Variants in HMCN1 observed in about 807,000 individuals in gnomAD.
HMCN1 encodes hemicentin-1.
Under a neutral mutation model 625.9 loss-of-function variants are expected in HMCN1, and 321 were observed. That is an observed-to-expected ratio of 0.51 (90% CI 0.47 to 0.56). The LOEUF (loss-of-function observed/expected upper bound fraction) is 0.56, where lower values mean the gene tolerates loss of function less well. HMCN1 is among the 20% of genes least tolerant of loss of function. The pLI is 0.00. For missense variants in HMCN1, 6,588 were observed against 6,887.3 expected, an observed-to-expected ratio of 0.96 and a Z score of 1.54; for synonymous variants, 2,425 against 2,417.6, an observed-to-expected ratio of 1.00 and a Z score of -0.09.
At chr1:185,854,685 G>A (rs1178982948) in intron 2 of HMCN1, among the ~76,000 whole-genome samples, 1 of 152,050 alleles carries the variant, frequency 6.6e-6, no homozygotes, top group African/African-American at 2.4e-5. Context: ...TATCATATAT[G>A]TAGTCATTGC....
intron 11 of HMCN1, among the ~76,000 whole-genome samples, chr1:185,952,304 G>T (rs957664334): frequency 3.3e-5 from 5 of 151,690 alleles, no homozygotes; most frequent in African/African-American, 1.2e-4. Context: ...TAGGGTGGAG[G>T]AGCAGAGGCT....
intron 1 of HMCN1, among the ~76,000 whole-genome samples, chr1:185,801,803 A>G (rs898232137): frequency 3.9e-5 from 6 of 152,192 alleles, no homozygotes; most frequent in African/African-American, 1.2e-4. Context: ...GGAGTTAAGG[A>G]TGGCTGGAGG....
At chr1:186,096,872 G>A (rs2102426991) in intron 68 of HMCN1, among the ~76,000 whole-genome samples, 1 of 152,190 alleles carries the variant, frequency 6.6e-6, no homozygotes, top group South Asian at 2.1e-4. Context: ...CAACAAATTA[G>A]GGATAGAAGA....
intron 1 of HMCN1, among the ~76,000 whole-genome samples, chr1:185,811,250 C>T (rs1247392501): frequency 6.6e-6 from 1 of 152,068 alleles, no homozygotes; most frequent in African/African-American, 2.4e-5. Flanking sequence ...TTCTCTTACA[C>T]AGCCTCCACA....
chr1:186,175,892 G>GAA (rs768255922), intron 103 of HMCN1, among the ~76,000 whole-genome samples: 2 of 135,084 alleles, frequency 1.5e-5, no homozygotes, highest in Non-Finnish European at 3.1e-5. Flanking sequence ...AAAAAAAAAA[G>GAA]AAAGAAAAGA....
intron 2 of HMCN1, among the ~76,000 whole-genome samples, chr1:185,855,555 G>T (rs554980608): frequency 6.6e-6 from 1 of 151,990 alleles, no homozygotes; most frequent in African/African-American, 2.4e-5. Context: ...TTTCTAATTT[G>T]CTAATCAAGA....
At chr1:185,977,637 C>A in intron 15 of HMCN1, 150 bp from the exon 16 acceptor site, 1 of 643,850 alleles carries the variant, frequency 1.6e-6, no homozygotes, top group Non-Finnish European at 2.7e-6. Flanking sequence ...ACTGTTTTTA[C>A]CTAAGAGAGG....
intron 89 of HMCN1, among the ~76,000 whole-genome samples, chr1:186,139,706 T>C (rs1649834918): frequency 6.6e-6 from 1 of 152,078 alleles, no homozygotes. Context: ...AGCCATTCAA[T>C]GAAAGCATGT....
rs1659476351 is a variant in HMCN1 at position 186,086,415 on chromosome 1, ACTT to A, written c.9046+12_9046+14del. 2 of 1,612,648 alleles carry A rather than the reference ACTT, an allele frequency of 1.2e-6. No homozygotes were observed. The highest frequency in any genetic ancestry group is 1.3e-5 in the African/African-American group (1 of 74,952). ...ATACTCTCATTGTGCCTGGTAAGGA[ACTT>A]CTTATTATAAAGCAGGCAAAATTTT... On this transcript the variant is annotated intron_variant, in intron 58 of 106. Coordinates refer to ENST00000271588, the MANE Select transcript of HMCN1 (RefSeq NM_031935.3).
At chr1:185,975,639 CTATGTTTAAA>C (rs1189103477) in intron 15 of HMCN1, among the ~76,000 whole-genome samples, 2 of 152,108 alleles carry the variant, frequency 1.3e-5, no homozygotes, top group African/African-American at 2.4e-5. Context: ...ATTCTATTAA[CTATGTTTAAA>C]TATGTTTAAA....
intron 1 of HMCN1, among the ~76,000 whole-genome samples, chr1:185,781,556 C>T (rs920703448): frequency 6.6e-6 from 1 of 152,108 alleles, no homozygotes; most frequent in Non-Finnish European, 1.5e-5. Context: ...TGTCTTTGTT[C>T]TCATTGGTTT....
intron 71 of HMCN1, among the ~76,000 whole-genome samples, chr1:186,111,422 G>C (rs1660881552): frequency 6.6e-6 from 1 of 152,122 alleles, no homozygotes; most frequent in South Asian, 2.1e-4. Flanking sequence ...GCCAAGGCAG[G>C]AGGATTGCTT....
intron 4 of HMCN1, among the ~76,000 whole-genome samples, chr1:185,902,399 A>ATC (rs1235354532): frequency 4.1e-4 from 55 of 135,280 alleles, no homozygotes; most frequent in African/African-American, 1.6e-3. Flanking sequence ...CTATCTATCT[A>ATC]TCTATCTCTA....
intron 4 of HMCN1, among the ~76,000 whole-genome samples, chr1:185,884,088 T>A (rs537776889): frequency 3.6e-4 from 55 of 151,868 alleles, no homozygotes; most frequent in Middle Eastern, 6.8e-3. Context: ...TTTTAAAAAA[T>A]ACCTTTATTC....
At position 186,015,405 on chromosome 1, in the gene HMCN1, C is replaced by A; in HGVS notation, c.4877C>A (p.Thr1626Asn). Reference sequence around the variant, plus strand: ...TGTCATGTAGCCAATGTTGCTGGAACTGCTGAAAAATCATTCCATGTGGAT... The same window carrying A: ...TGTCATGTAGCCAATGTTGCTGGAAATGCTGAAAAATCATTCCATGTGGAT... ...YTCHVANVAG[T>N]AEKSFHVDVY... The change falls in exon 31 of 107, where the codon ACT becomes AAT. Residue 1626 changes from threonine to asparagine, a missense_variant. By Grantham distance (65) the Thr-to-Asn change is moderately conservative. Transcript: ENST00000271588. 6.2e-7 allele frequency: 1 copy of A among 1,613,570 alleles called. No homozygotes were observed. The highest frequency in any genetic ancestry group is 8.5e-7 in the Non-Finnish European group (1 of 1,179,666).
chr1:186,188,131 T>C (rs1558293273), intron 106 of HMCN1, 122 bp downstream of exon 106: 1 of 1,187,384 alleles, frequency 8.4e-7, no homozygotes, highest in East Asian at 2.3e-5. Context: ...TCCAGGAAGA[T>C]GTGGGGTTAC....
intron 1 of HMCN1, among the ~76,000 whole-genome samples, chr1:185,806,252 C>A (rs1042655317): frequency 4.6e-5 from 7 of 151,986 alleles, no homozygotes; most frequent in Non-Finnish European, 8.8e-5. Context: ...TAATAAGAGA[C>A]AGAAATGGGA....
chr1:185,937,849 C>T (rs1007790985), intron 11 of HMCN1, among the ~76,000 whole-genome samples: 107 of 150,430 alleles, frequency 7.1e-4, no homozygotes, highest in Non-Finnish European at 6.1e-4. Flanking sequence ...CCTCTGCACT[C>T]CAGCCTGGGC....
intron 1 of HMCN1, among the ~76,000 whole-genome samples, chr1:185,835,936 A>G (rs1377510114): frequency 5.3e-5 from 8 of 152,208 alleles, no homozygotes; most frequent in Admixed American, 3.9e-4. Flanking sequence ...TGTATATTCA[A>G]TAAAGACTAA....
Sources: allele counts gnomAD v4.1 joint callset (sites outside exome capture counted in the v4.1 genomes callset), GRCh38; gene constraint gnomAD v4.1.1; transcripts MANE v1.5; gene names NCBI Gene and HGNC (gene_info 2026-07-23, HGNC 2026-07-21).